MSH3: variants seen among roughly 807,000 people sequenced by gnomAD.
MSH3 encodes the protein DNA mismatch repair protein Msh3.
A neutral mutation model predicts 123.3 loss-of-function variants in MSH3; 106 were observed. The ratio of observed to expected loss-of-function variants is 0.86; its 90% CI spans 0.73 to 1.01. The LOEUF (loss-of-function observed/expected upper bound fraction) is 1.01. MSH3 is among the 50% of genes least tolerant of loss of function. MSH3 has a pLI of 0.00. For missense variants in MSH3, 1,459 were observed against 1,347.6 expected (o/e 1.08, Z -1.29); for synonymous variants, 515 against 481.4 (o/e 1.07, Z -0.91).
intron 8 of MSH3, among the ~76,000 whole-genome samples, chr5:80,692,772 GTA>G (rs1334221650): frequency 6.1e-5 from 6 of 97,728 alleles, no homozygotes; most frequent in Admixed American, 1.9e-4. Flanking sequence ...ACATACACAT[GTA>G]TATGTTTGAT....
chr5:80,663,311 G>A (rs372863144), intron 2 of MSH3, among the ~76,000 whole-genome samples: 2 of 152,180 alleles, frequency 1.3e-5, no homozygotes, highest in Non-Finnish European at 2.9e-5. Context: ...TGTTTTAGCA[G>A]CTATCAGGTA....
At chr5:80,853,397 C>G (rs189405691) in intron 20 of MSH3, among the ~76,000 whole-genome samples, 1 of 152,140 alleles carries the variant, frequency 6.6e-6, no homozygotes, top group Admixed American at 6.5e-5. Flanking sequence ...ATCACTTGAG[C>G]CCAGGAGGCA....
intron 8 of MSH3, among the ~76,000 whole-genome samples, chr5:80,700,573 T>A (rs1240239513): frequency 1.3e-5 from 2 of 152,208 alleles, no homozygotes; most frequent in Non-Finnish European, 2.9e-5. Context: ...AGGTTTTTTT[T>A]TTAGTCCTGA....
intron 15 of MSH3, 77 bp from the exon 16 acceptor site, chr5:80,775,617 A>C: frequency 1.2e-6 from 1 of 828,550 alleles, no homozygotes; most frequent in Non-Finnish European, 2.0e-6. Context: ...ATAAATTGTT[A>C]TACCACAATT....
chr5:80,694,807 C>T (rs1056329067), intron 8 of MSH3, among the ~76,000 whole-genome samples: 2 of 151,640 alleles, frequency 1.3e-5, no homozygotes, highest in African/African-American at 2.4e-5. Flanking sequence ...TTCCTTCTAA[C>T]CTTTATGGTT....
chr5:80,775,261 C>G (rs1744278650), intron 15 of MSH3, among the ~76,000 whole-genome samples: 1 of 152,102 alleles, frequency 6.6e-6, no homozygotes, highest in South Asian at 2.1e-4. Context: ...TCTAAAAATC[C>G]TCTCTGTTCA....
chr5:80,772,234 A>G (rs563588515), intron 15 of MSH3, among the ~76,000 whole-genome samples: 154 of 152,366 alleles, frequency 1.0e-3, no homozygotes, highest in African/African-American at 3.6e-3. Flanking sequence ...AATTGACAGC[A>G]TGCAGCATAT....
intron 12 of MSH3, among the ~76,000 whole-genome samples, chr5:80,749,597 G>A (rs755730185): frequency 2.6e-4 from 39 of 152,170 alleles, no homozygotes; most frequent in Admixed American, 8.5e-4. Flanking sequence ...TTGACATTCA[G>A]TATTAACCAT....
At chr5:80,771,696 G>A (rs994456044) in intron 15 of MSH3, among the ~76,000 whole-genome samples, 1 of 151,934 alleles carries the variant, frequency 6.6e-6, no homozygotes, top group Admixed American at 6.6e-5. Flanking sequence ...ACCCATTATA[G>A]CAGCCCCATG....
At chr5:80,792,635 GT>G in intron 18 of MSH3, 97 bp from the exon 19 acceptor site, 1 of 705,892 alleles carries the variant, frequency 1.4e-6, no homozygotes, top group South Asian at 1.6e-5. Flanking sequence ...GTTTTCTGTC[GT>G]ACAAACAGAG....
intron 12 of MSH3, among the ~76,000 whole-genome samples, chr5:80,760,041 C>T (rs6151782): frequency 0.013 from 2,030 of 152,246 alleles, 19 homozygotes; most frequent in Non-Finnish European, 0.021. Context: ...CTCACTAAAT[C>T]GAAAGTCCTC....
At chr5:80,755,624 G>A (rs1743914325) in intron 12 of MSH3, among the ~76,000 whole-genome samples, 1 of 152,122 alleles carries the variant, frequency 6.6e-6, no homozygotes, top group Admixed American at 6.6e-5. Flanking sequence ...TGCTGAATCT[G>A]TATTTAAAAC....
At chr5:80,717,886 G>A (rs532598064) in intron 8 of MSH3, among the ~76,000 whole-genome samples, 4 of 152,248 alleles carry the variant, frequency 2.6e-5, no homozygotes, top group African/African-American at 7.2e-5. Flanking sequence ...TAAATTCAGC[G>A]TGATGATGGA....
chr5:80,710,334 C>G lies in MSH3; in HGVS notation c.1341-15119C>G, dbSNP rs140348651. On this transcript the variant is annotated intron_variant, in intron 8 of 23. Coordinates refer to ENST00000265081, the MANE Select transcript of MSH3 (RefSeq NM_002439.5). ...GTCATACAGCCTCTCAGGAAAAACA[C>G]AGAAGGGAGCAGCTATTCCCTTCCT... 1.8e-3 allele frequency among the ~76,000 whole-genome samples: 270 copies of G among 152,342 alleles called. 1 individual carries two copies. Among genetic ancestry groups the G allele is most frequent in the African/African-American group, 6.0e-3 (250 of 41,584 alleles).
chr5:80,727,617 T>C (rs899545041), intron 9 of MSH3, among the ~76,000 whole-genome samples: 5 of 152,200 alleles, frequency 3.3e-5, no homozygotes, highest in Non-Finnish European at 5.9e-5. Context: ...TATAGTTCTC[T>C]GTATTTGTTT....
chr5:80,730,135 A>G (rs1743385567), intron 10 of MSH3, among the ~76,000 whole-genome samples: 1 of 152,226 alleles, frequency 6.6e-6, no homozygotes, highest in Non-Finnish European at 1.5e-5. Context: ...CTAAATGCCC[A>G]TCAGGGATCC....
chr5:80,681,140 TG>T (rs1229028292), intron 8 of MSH3, among the ~76,000 whole-genome samples: 7 of 152,272 alleles, frequency 4.6e-5, no homozygotes, highest in African/African-American at 1.7e-4. Context: ...AAATAATCTT[TG>T]CCAGTCACAT....
intron 8 of MSH3, among the ~76,000 whole-genome samples, chr5:80,714,108 T>C (rs1034483534): frequency 6.6e-6 from 1 of 151,298 alleles, no homozygotes; most frequent in Non-Finnish European, 1.5e-5. Flanking sequence ...ATGCTAGGCA[T>C]GTGTGCAGAA....
rs143226321 is a variant in MSH3, at chr5:80,684,004, A to T, written c.1340+4911A>T. Among the ~76,000 whole-genome samples the T allele has an allele frequency of 3.7e-3, 569 of 151,880 alleles. 2 individuals are homozygous for T. Among genetic ancestry groups the T allele is most frequent in the Middle Eastern group, 0.024 (7 of 294 alleles). On this transcript the variant is annotated intron_variant, in intron 8 of 23. Transcript: ENST00000265081. ...AAATGAGTTCACTGTAGATGTATGG[A>T]TTTATTTCTGGGTTTTCTGTTCTGT...
Sources: gnomAD v4.1 joint callset for allele counts (sites outside exome capture counted in the v4.1 genomes callset) on GRCh38, gnomAD v4.1.1 for gene constraint, MANE v1.5 for transcripts, NCBI Gene and HGNC (gene_info 2026-07-23, HGNC 2026-07-21) for gene names.